The following CAPNS1 variants were observed in gnomAD, a reference collection of about 807,000 sequenced individuals.
The protein encoded by CAPNS1 is calpain small subunit 1.
In CAPNS1, 32 loss-of-function variants were observed where a neutral mutation model predicts 39.2. The ratio of observed to expected loss-of-function variants is 0.82; its 90% CI spans 0.62 to 1.10. CAPNS1 has a LOEUF of 1.10. Among genes scored for constraint, CAPNS1 ranks in the 50% least tolerant of loss-of-function variants. CAPNS1 has a pLI of 0.00. For missense variants in CAPNS1, 353 were observed against 373.1 expected, an observed-to-expected ratio of 0.95 and a Z score of 0.44; for synonymous variants, 153 against 136.2, an observed-to-expected ratio of 1.12 and a Z score of -0.86.
At chr19:36,141,316 A>G in intron 2 of CAPNS1, 96 bp downstream of exon 2, 1 of 1,410,440 alleles carries the variant, frequency 7.1e-7, no homozygotes, top group East Asian at 3.0e-5. Context: ...ATAGAATAGG[A>G]TTAACCTGGA....
chr19:36,144,521 G>A (rs1298435390), intron 6 of CAPNS1, among the ~76,000 whole-genome samples: 2 of 152,174 alleles, frequency 1.3e-5, no homozygotes, highest in African/African-American at 2.4e-5. Flanking sequence ...GCTGATCTTG[G>A]ATACATGCAT....
Position 36,141,088 on chromosome 19 carries a change from G to A in CAPNS1, c.77G>A (p.Gly26Glu). 2 of 1,486,192 alleles carry A rather than the reference G, an allele frequency of 1.3e-6. No homozygotes were observed. The highest frequency in any genetic ancestry group is 2.2e-5 in the Admixed American group (1 of 45,520). The allele number at this position is 1,486,192 out of a possible 1,614,324, so 92.1% of individuals were successfully genotyped here. A position where few individuals can be genotyped will look rare whatever the true frequency, so the allele number is the denominator to read the frequency against. Reference protein sequence around the residue: ...GGGGGLGGGLGNVLGGLISGA... With the variant: ...GGGGGLGGGLENVLGGLISGA... ...GGCGGGGGCCTGGGTGGGGGCCTGG[G>A]AAATGTGCTTGGAGGCCTGATCAGC... Residue 26 changes from glycine to glutamate, a missense_variant, in exon 2 of 11, where the codon GGA becomes GAA. Gly to Glu is a moderately conservative substitution (Grantham distance 98, BLOSUM62 -2). Transcript: ENST00000246533.
At chr19:36,141,242 G>A in intron 2 of CAPNS1, 22 bp downstream of exon 2, 1 of 1,514,144 alleles carries the variant, frequency 6.6e-7, no homozygotes, top group East Asian at 2.7e-5. Flanking sequence ...ACTATCAGAG[G>A]GGCGGGGCCT....
At chr19:36,140,662 A>C in intron 1 of CAPNS1, 1 of 275,600 alleles carries the variant, frequency 3.6e-6, no homozygotes, top group Non-Finnish European at 6.7e-6. Context: ...TGGGCTCTGG[A>C]TCTCACATTC....
At chr19:36,142,879 C>T in intron 4 of CAPNS1, 30 bp from the exon 5 acceptor site, 2 of 1,613,462 alleles carry the variant, frequency 1.2e-6, no homozygotes, top group Non-Finnish European at 8.5e-7. Flanking sequence ...TTTCAGTCAC[C>T]CCTGACCTGC....
At chr19:36,149,235 G>GT (rs1217388448) in intron 9 of CAPNS1, among the ~76,000 whole-genome samples, 1 of 152,036 alleles carries the variant, frequency 6.6e-6, no homozygotes, top group African/African-American at 2.4e-5. Context: ...TTAATTTTTA[G>GT]TTTTTTTAAA....
At chr19:36,141,279 G>A (rs1351085203) in intron 2 of CAPNS1, 59 bp downstream of exon 2, 4 of 1,471,630 alleles carry the variant, frequency 2.7e-6, no homozygotes, top group African/African-American at 1.5e-5. Context: ...TCAGTGAGGC[G>A]TGGTCTGGGA....
chr19:36,149,764 T>G, intron 10 of CAPNS1, 49 bp from the exon 11 acceptor site: 2 of 1,493,388 alleles, frequency 1.3e-6, no homozygotes, highest in Non-Finnish European at 1.8e-6. Context: ...GCAAAGGGGC[T>G]GGTGCTCTTG....
rs764276237 is a variant in CAPNS1 at position 36,144,883 on chromosome 19, T to C, written c.457-923T>C. Among the ~76,000 whole-genome samples the C allele has an allele frequency of 5.5e-4, 83 of 152,218 alleles. 1 individual carries two copies. The highest frequency in any genetic ancestry group is 1.1e-3 in the Non-Finnish European group (73 of 68,040). ...CCGAATCGGAACTACATCCAAAAGG[T>C]TTAGCACAGTGTATAGCGCATAGTA... On this transcript the variant is annotated intron_variant, in intron 6 of 10. Transcript: ENST00000246533.
chr19:36,142,966 C>T lies in CAPNS1; in HGVS notation c.391C>T (p.His131Tyr), dbSNP rs771258476. 24 of 1,614,002 alleles carry T rather than the reference C, an allele frequency of 1.5e-5. No homozygotes were observed. The highest frequency in any genetic ancestry group is 3.3e-4 in the Middle Eastern group (2 of 6,084). Residue 131 changes from histidine to tyrosine, a missense_variant and splice_region_variant, in exon 5 of 11, where the codon CAC (histidine) becomes TAC (tyrosine). By Grantham distance (83) the His-to-Tyr change is moderately conservative. Coordinates refer to ENST00000246533, the MANE Select transcript of CAPNS1 (RefSeq NM_001749.4). Reference sequence around the variant, plus strand: ...CATTCTCAATAAGGTTGTGACACGACGTAAGTGACCGGGGTTAAGGAATAG... The same window carrying T: ...CATTCTCAATAAGGTTGTGACACGATGTAAGTGACCGGGGTTAAGGAATAG... ...MNILNKVVTRHPDLKTDGFGI... is the reference protein window; with the variant it reads ...MNILNKVVTRYPDLKTDGFGI...
At chr19:36,144,187 A>AG (rs1260758322) in intron 6 of CAPNS1, 2 of 150,644 alleles carry the variant, frequency 1.3e-5, no homozygotes, top group East Asian at 3.9e-4. Context: ...AAAAAAAAAA[A>AG]AAAAGAAAAA....
In CAPNS1 at chr19:36,141,213, G is replaced by A. The variant is rs775042762; in HGVS notation, c.202G>A (p.Ala68Thr). Residue 68 changes from alanine (A) to threonine (T), a missense_variant, in exon 2 of 11, where the codon GCC becomes ACC. By Grantham distance (58) the Ala-to-Thr change is moderately conservative (BLOSUM62 0). Transcript: ENST00000246533. The part of the protein sequence containing the change: ...AMRILGGVIS[A>T]ISEAAAQYNP... ...GCGCATCCTAGGCGGAGTCATCAGC[G>A]CCATCAGGTAAGGCGGAGACTATCA... 3 of 1,501,098 alleles carry A rather than the reference G, an allele frequency of 2.0e-6. No homozygotes were observed. The highest frequency in any genetic ancestry group is 8.8e-7 in the Non-Finnish European group (1 of 1,131,520). 93.0% of individuals were successfully genotyped at this position (1,501,098 alleles called of 1,614,324 possible). A position where few individuals can be genotyped will look rare whatever the true frequency, so the allele number is the denominator to read the frequency against.
Position 36,142,311 on chromosome 19 carries a change from C to T in CAPNS1, c.221C>T (p.Ala74Val), listed in dbSNP as rs761088700. 6.3e-6 allele frequency: 10 copies of T among 1,590,356 alleles called. No homozygotes were observed. The South Asian group carries it at 8.9e-5, about 14-fold the overall frequency. The change falls in exon 3 of 11, where the codon GCG becomes GTG. Residue 74 changes from alanine to valine, a missense_variant. By Grantham distance (64) the Ala-to-Val change is moderately conservative. Transcript: ENST00000246533. ...TTATCTCTTCGCAGCGAGGCGGCTG[C>T]GCAGTACAACCCGGAGCCCCCGGTA... is the stretch of plus-strand genomic sequence containing the variant. The part of the protein sequence containing the change: ...GVISAISEAA[A>V]QYNPEPPPPR...
At position 36,146,055 on chromosome 19, in the gene CAPNS1, G is replaced by A. The variant is rs769415445; in HGVS notation, c.604+1G>A. ...CTCCCAGGTGCCTTTGAGGCAGCAG[G>A]TATGGCTGGCAGGGACATGCTGGGG... On this transcript the variant is annotated splice_donor_variant, in intron 8 of 10. Coordinates refer to ENST00000246533, the MANE Select transcript of CAPNS1 (RefSeq NM_001749.4). LOFTEE classifies it high-confidence loss of function. 1.9e-6 allele frequency: 3 copies of A among 1,614,086 alleles called. No homozygotes were observed. Among genetic ancestry groups the A allele is most frequent in the Non-Finnish European group, 2.5e-6 (3 of 1,179,948 alleles).
At chr19:36,142,524 C>T in intron 3 of CAPNS1, 128 bp from the exon 4 acceptor site, 1 of 755,228 alleles carries the variant, frequency 1.3e-6, no homozygotes, top group Middle Eastern at 2.4e-4. Context: ...CATTCACTAC[C>T]ACCCCTCATT....
At chr19:36,142,468 T>G in intron 3 of CAPNS1, 135 bp downstream of exon 3, 1 of 687,498 alleles carries the variant, frequency 1.5e-6, no homozygotes, top group Non-Finnish European at 2.6e-6. Flanking sequence ...ATGCCGTGTC[T>G]GCAGCTTCGC....
Position 36,146,210 on chromosome 19 carries a change from G to T in CAPNS1, c.619G>T (p.Glu207Ter). Residue 207 changes from glutamate (E) to a stop codon, truncating the protein, a stop_gained, in exon 9 of 11, where the codon GAG (glutamate) becomes TAG (stop). Transcript: ENST00000246533. LOFTEE classifies it high-confidence loss of function. ...AFEAAGFHLN[E>*]HLYNMIIRRY... ...ATCCATCTTAGGGTTCCACCTGAATGAGCATCTCTATAACATGATCATCCG... is the reference window on the plus strand; with the variant it reads ...ATCCATCTTAGGGTTCCACCTGAATTAGCATCTCTATAACATGATCATCCG... 1.2e-6 allele frequency: 2 copies of T among 1,613,102 alleles called. No homozygotes were observed. Among genetic ancestry groups the T allele is most frequent in the Admixed American group, 1.7e-5 (1 of 60,030 alleles).
rs370410609 is a variant in CAPNS1, at chr19:36,141,234, T to G, written c.209+14T>G. On this transcript the variant is annotated intron_variant, in intron 2 of 10. Coordinates refer to ENST00000246533, the MANE Select transcript of CAPNS1 (RefSeq NM_001749.4). ...CAGCGCCATCAGGTAAGGCGGAGAC[T>G]ATCAGAGGGGCGGGGCCTGGGAATG... 2.0e-6 allele frequency: 3 copies of G among 1,516,328 alleles called. No individual in the cohort carries two copies. Among genetic ancestry groups the G allele is most frequent in the South Asian group, 2.5e-5 (2 of 79,850 alleles). 93.9% of individuals were successfully genotyped at this position (1,516,328 alleles called of 1,614,324 possible). A position where few individuals can be genotyped will look rare whatever the true frequency, so the allele number is the denominator to read the frequency against.
In CAPNS1 at chr19:36,141,134, CGGCGGCGGCGGCGGCGGCGGTGGTGGA is replaced by C. The variant is rs1349511018; in HGVS notation, c.132_158del (p.Gly48_Gly56del). The C allele has an allele frequency of 1.5e-6, 2 of 1,375,404 alleles. No individual in the cohort carries two copies. Among genetic ancestry groups the C allele is most frequent in the African/African-American group, 1.6e-5 (1 of 63,690 alleles). 85.2% of individuals were successfully genotyped at this position (1,375,404 alleles called of 1,614,324 possible). On this transcript the variant is annotated inframe_deletion, in exon 2 of 11. Coordinates refer to ENST00000246533, the MANE Select transcript of CAPNS1 (RefSeq NM_001749.4). ...TCAGCGGGGCCGGGGGCGGCGGCGG[CGGCGGCGGCGGCGGCGGCGGTGGTGGA>C]GGCGGCGGTGGCGGTGGAACGGCCA...
Sources: allele counts gnomAD v4.1 joint callset (sites outside exome capture counted in the v4.1 genomes callset), GRCh38; gene constraint gnomAD v4.1.1; transcripts MANE v1.5; gene names NCBI Gene and HGNC (gene_info 2026-07-23, HGNC 2026-07-21).